Variants in RALGPS2 observed in about 807,000 individuals in gnomAD.
RALGPS2 encodes ras-specific guanine nucleotide-releasing factor RalGPS2.
In RALGPS2, 43 loss-of-function variants were observed where a neutral mutation model predicts 86.8. The observed-to-expected ratio is 0.50, with a 90% CI of 0.39 to 0.64. The LOEUF is 0.64. Ranked by LOEUF, RALGPS2 falls within the 30% of genes least tolerant of loss-of-function variation. The pLI is 0.00. For synonymous variants in RALGPS2, 243 were observed against 231.3 expected (o/e 1.05, Z -0.46); for missense variants, 536 against 694.6 (o/e 0.77, Z 2.57).
intron 1 of RALGPS2, among the ~76,000 whole-genome samples, chr1:178,765,974 G>A (rs112704320): frequency 6.6e-6 from 1 of 152,064 alleles, no homozygotes; most frequent in African/African-American, 2.4e-5. Context: ...TAAACAATTT[G>A]TGCAGTTAAC....
At chr1:178,856,667 A>G (rs570243019) in intron 8 of RALGPS2, among the ~76,000 whole-genome samples, 32 of 151,968 alleles carry the variant, frequency 2.1e-4, no homozygotes, top group South Asian at 8.3e-4. Flanking sequence ...AGTAGTCATC[A>G]TCGGTAATTG....
chr1:178,895,689 C>T (rs1659910530), intron 16 of RALGPS2, among the ~76,000 whole-genome samples: 1 of 151,890 alleles, frequency 6.6e-6, no homozygotes, highest in African/African-American at 2.4e-5. Context: ...ATAAATTAAA[C>T]ATGATGTATG....
At chr1:178,900,167 A>T (rs1660107729) in intron 17 of RALGPS2, among the ~76,000 whole-genome samples, 1 of 151,968 alleles carries the variant, frequency 6.6e-6, no homozygotes, top group Non-Finnish European at 1.5e-5. Flanking sequence ...GAATTTTTTC[A>T]AAATAAAAAG....
intron 17 of RALGPS2, among the ~76,000 whole-genome samples, chr1:178,898,334 C>G (rs1660031057): frequency 6.6e-6 from 1 of 151,948 alleles, no homozygotes; most frequent in Non-Finnish European, 1.5e-5. Context: ...TTCTAAGTCA[C>G]ATGTTTTGGG....
intron 8 of RALGPS2, among the ~76,000 whole-genome samples, chr1:178,870,005 A>T (rs147910690): frequency 6.6e-6 from 1 of 152,058 alleles, no homozygotes; most frequent in Non-Finnish European, 1.5e-5. Flanking sequence ...CTTATTTTCT[A>T]TTGTTAATAC....
chr1:178,748,091 G>A (rs896982515), intron 1 of RALGPS2, among the ~76,000 whole-genome samples: 3 of 151,778 alleles, frequency 2.0e-5, no homozygotes, highest in African/African-American at 2.4e-5. Context: ...AGGCCGAGGC[G>A]GGTGGATCAC....
intron 1 of RALGPS2, among the ~76,000 whole-genome samples, chr1:178,735,349 G>A (rs951995884): frequency 1.3e-5 from 2 of 152,112 alleles, no homozygotes; most frequent in African/African-American, 2.4e-5. Flanking sequence ...TGGTGTTTAG[G>A]AGTTGGGGCT....
intron 1 of RALGPS2, among the ~76,000 whole-genome samples, chr1:178,771,046 C>T (rs971248169): frequency 6.6e-6 from 1 of 151,736 alleles, no homozygotes; most frequent in Non-Finnish European, 1.5e-5. Context: ...ACCATGTTGG[C>T]CACGCTGGTC....
At chr1:178,762,495 C>T (rs1652294958) in intron 1 of RALGPS2, among the ~76,000 whole-genome samples, 1 of 152,196 alleles carries the variant, frequency 6.6e-6, no homozygotes, top group South Asian at 2.1e-4. Context: ...ATTTCCAGTT[C>T]TCTGCAGCCT....
Position 178,788,755 on chromosome 1 carries a change from C to T in RALGPS2, c.213+3148C>T, listed in dbSNP as rs184540552. Among the ~76,000 whole-genome samples the T allele has an allele frequency of 1.6e-3, 242 of 152,048 alleles. 2 individuals are homozygous for T. The highest frequency in any genetic ancestry group is 3.0e-3 in the Non-Finnish European group (202 of 67,960). ...TTGTGAGCAGAGAAGTGACATTTTC[C>T]GCGTTAGGTTTTAAGTCGCTCTTTT... On this transcript the variant is annotated intron_variant, in intron 4 of 19. Transcript: ENST00000367635.
At chr1:178,885,507 C>A (rs977444804) in intron 12 of RALGPS2, 4 of 249,588 alleles carry the variant, frequency 1.6e-5, no homozygotes, top group Non-Finnish European at 3.0e-5. Context: ...AAAAGAGTTA[C>A]AACCTTTATA....
At chr1:178,901,370 T>G (rs1660168055) in intron 17 of RALGPS2, among the ~76,000 whole-genome samples, 1 of 152,042 alleles carries the variant, frequency 6.6e-6, no homozygotes, top group Admixed American at 6.6e-5. Context: ...TTTAGTGTTT[T>G]ACCATGTACA....
At chr1:178,865,054 C>T (rs1226679366) in intron 8 of RALGPS2, 2 of 1,508,892 alleles carry the variant, frequency 1.3e-6, no homozygotes, top group Non-Finnish European at 1.8e-6. Flanking sequence ...AACCTGGATC[C>T]CTCTGAATCT....
chr1:178,863,590 C>T (rs903173587), intron 8 of RALGPS2, among the ~76,000 whole-genome samples: 2 of 152,238 alleles, frequency 1.3e-5, no homozygotes, highest in African/African-American at 2.4e-5. Flanking sequence ...AAAGCAGTAG[C>T]ATGTGAGGTA....
At chr1:178,829,845 A>G (rs952445472) in intron 7 of RALGPS2, among the ~76,000 whole-genome samples, 1 of 152,056 alleles carries the variant, frequency 6.6e-6, no homozygotes. Context: ...CCCAGGCTCA[A>G]GTGATTCTCC....
At chr1:178,747,614 C>G in intron 1 of RALGPS2, 1 of 1,579,100 alleles carries the variant, frequency 6.3e-7, no homozygotes, top group South Asian at 1.1e-5. Flanking sequence ...CCTTTGTCCT[C>G]TTCTATGTCA....
At chr1:178,765,867 G>A (rs1209440414) in intron 1 of RALGPS2, among the ~76,000 whole-genome samples, 3 of 152,112 alleles carry the variant, frequency 2.0e-5, no homozygotes, top group Non-Finnish European at 4.4e-5. Flanking sequence ...TGTTCTGCCC[G>A]GCCCACAGGC....
chr1:178,740,360 TGCAGTGGATTGGTCCA>T (rs1650949769), intron 1 of RALGPS2, among the ~76,000 whole-genome samples: 1 of 152,216 alleles, frequency 6.6e-6, no homozygotes. Context: ...AAAACTGTAT[TGCAGTGGATTGGTCCA>T]GCAGTGGGCA....
At chr1:178,732,596 G>T (rs1246789597) in intron 1 of RALGPS2, among the ~76,000 whole-genome samples, 1 of 152,060 alleles carries the variant, frequency 6.6e-6, no homozygotes, top group African/African-American at 2.4e-5. Context: ...ACCACACTCG[G>T]CCATGTTCCT....
Sources: allele counts gnomAD v4.1 joint callset (sites outside exome capture counted in the v4.1 genomes callset), GRCh38; gene constraint gnomAD v4.1.1; transcripts MANE v1.5; gene names NCBI Gene and HGNC (gene_info 2026-07-23, HGNC 2026-07-21).